Variants in CCDC171 observed in about 807,000 individuals in gnomAD.
CCDC171 encodes coiled-coil domain containing 171, also known as coiled-coil domain-containing protein 171.
In CCDC171, 177 loss-of-function variants were observed where a neutral mutation model predicts 168.2. The ratio of observed to expected loss-of-function variants is 1.05; its 90% confidence interval spans 0.93 to 1.19. The LOEUF (loss-of-function observed/expected upper bound fraction) is 1.19, where lower values mean the gene tolerates loss of function less well. Among genes scored for constraint, CCDC171 ranks in the 50% most tolerant of loss-of-function variants. The pLI, the probability that CCDC171 is intolerant of heterozygous loss-of-function variation, is 0.00. For synonymous variants in CCDC171, 687 were observed against 540.8 expected (o/e 1.27, Z -3.75); for missense variants, 1,991 against 1,539.0 (o/e 1.29, Z -4.91).
At chr9:15,682,756 A>G (rs886483391) in intron 10 of CCDC171, among the ~76,000 whole-genome samples, 6 of 152,014 alleles carry the variant, frequency 3.9e-5, no homozygotes, top group African/African-American at 1.4e-4. Flanking sequence ...TGTTTACATG[A>G]AGATGTGAAC....
chr9:15,699,556 C>G (rs2051515480), intron 11 of CCDC171, among the ~76,000 whole-genome samples: 1 of 152,168 alleles, frequency 6.6e-6, no homozygotes, highest in African/African-American at 2.4e-5. Flanking sequence ...TATCCCTGAG[C>G]TAGACACAAA....
chr9:15,996,879 G>C lies in CCDC171; in HGVS notation n.369-23710G>C, dbSNP rs867288453. Among the ~76,000 whole-genome samples, 9 of 152,064 alleles carry C rather than the reference G, an allele frequency of 5.9e-5. No individual in the cohort carries two copies. The East Asian group carries it at 1.3e-3, about 23-fold the overall frequency. On this transcript the variant is annotated intron_variant and non_coding_transcript_variant, in intron 3 of 9. Coordinates refer to the CCDC171 transcript ENST00000486641. ...AGGCTCAAACCAGCTAATGAATATGGCACATAAGAACAGATACATCATGCA... is the reference window on the plus strand; with the variant it reads ...AGGCTCAAACCAGCTAATGAATATGCCACATAAGAACAGATACATCATGCA...
chr9:15,696,465 G>A lies in CCDC171; in HGVS notation c.1318+1128G>A, dbSNP rs75491559. On this transcript the variant is annotated intron_variant, in intron 11 of 25. Coordinates refer to ENST00000380701, the MANE Select transcript of CCDC171 (RefSeq NM_173550.4). ...ATCATAATCATAATTTGTTATCATG[G>A]ACAAATCAAAAGATATAAAAGTGTC... 5.9e-3 allele frequency among the ~76,000 whole-genome samples: 905 copies of A among 152,222 alleles called. 14 individuals carry two copies. Among genetic ancestry groups the A allele is most frequent in the African/African-American group, 0.02 (828 of 41,514 alleles).
chr9:15,645,095 G>C (rs2221706), intron 7 of CCDC171, among the ~76,000 whole-genome samples: 144,041 of 152,306 alleles, frequency 0.95, 68,168 homozygotes, highest in East Asian at 1. Flanking sequence ...AATATTTGCT[G>C]TTCTGCAGCT....
At chr9:16,016,559 G>A (rs3824502) in intron 3 of CCDC171, among the ~76,000 whole-genome samples, 50,753 of 152,014 alleles carry the variant, frequency 0.33, 10,637 homozygotes, top group East Asian at 0.62. Flanking sequence ...TTTGGTACAC[G>A]GATGAGGTCG....
chr9:15,589,320 C>A (rs2041820723), intron 4 of CCDC171, among the ~76,000 whole-genome samples: 1 of 152,166 alleles, frequency 6.6e-6, no homozygotes, highest in African/African-American at 2.4e-5. Flanking sequence ...GATTGACTCC[C>A]AGTAATTGGT....
the CCDC171 span, among the ~76,000 whole-genome samples, chr9:16,070,641 A>G: frequency 2.0e-5 from 3 of 152,212 alleles, no homozygotes; most frequent in African/African-American, 7.2e-5. Flanking sequence ...CAACTAAGGC[A>G]GGAGCAAGAA....
intron 24 of CCDC171, among the ~76,000 whole-genome samples, chr9:15,899,928 C>T (rs1251205892): frequency 1.3e-5 from 2 of 151,794 alleles, no homozygotes; most frequent in Admixed American, 6.6e-5. Context: ...AACTCTTTAC[C>T]AAGCTCGAGA....
chr9:15,686,093 G>A (rs1680442268), intron 10 of CCDC171, among the ~76,000 whole-genome samples: 1 of 152,094 alleles, frequency 6.6e-6, no homozygotes. Context: ...CTCTATACTT[G>A]AAAGAGAATT....
chr9:16,066,860 A>C, the CCDC171 span, among the ~76,000 whole-genome samples: 1,396 of 149,594 alleles, frequency 9.3e-3, 15 homozygotes, highest in Middle Eastern at 0.031. Context: ...CCAGTCTATC[A>C]TTGTTGGACA....
At chr9:15,860,822 C>T (rs1588891327) in intron 23 of CCDC171, among the ~76,000 whole-genome samples, 1 of 151,752 alleles carries the variant, frequency 6.6e-6, no homozygotes, top group Non-Finnish European at 1.5e-5. Context: ...TGGTTGTTCT[C>T]CCCGTTATTG....
At chr9:15,765,850 T>A (rs2056692015) in intron 18 of CCDC171, among the ~76,000 whole-genome samples, 1 of 152,102 alleles carries the variant, frequency 6.6e-6, no homozygotes, top group African/African-American at 2.4e-5. Context: ...TGGGAGAAAA[T>A]TCTCCATAGG....
At chr9:16,096,889 A>G in the CCDC171 span, among the ~76,000 whole-genome samples, 4 of 152,114 alleles carry the variant, frequency 2.6e-5, no homozygotes, top group African/African-American at 9.7e-5. Context: ...TGAGCATACC[A>G]CCTGTTTCCT....
intron 25 of CCDC171, among the ~76,000 whole-genome samples, chr9:15,939,905 A>C (rs915137294): frequency 3.3e-5 from 5 of 151,898 alleles, no homozygotes; most frequent in African/African-American, 1.2e-4. Context: ...GGCAAAAAAT[A>C]ATGAAAAGGG....
intron 18 of CCDC171, among the ~76,000 whole-genome samples, chr9:15,751,978 C>A (rs1211547532): frequency 1.3e-5 from 2 of 152,116 alleles, no homozygotes; most frequent in Non-Finnish European, 2.9e-5. Context: ...AGGCAACCTA[C>A]CGAATGGGAG....
intron 24 of CCDC171, chr9:15,888,165 T>C (rs1348700978): frequency 6.6e-6 from 1 of 152,186 alleles, no homozygotes; most frequent in Non-Finnish European, 1.5e-5. Context: ...AGTATGGACT[T>C]AAAAAAATAA....
intron 24 of CCDC171, among the ~76,000 whole-genome samples, chr9:15,883,636 A>C (rs1819008277): frequency 6.6e-6 from 1 of 152,180 alleles, no homozygotes. Context: ...ATTTAAGGGC[A>C]AGTAATTGCA....
chr9:15,882,800 C>G (rs1047534983), intron 24 of CCDC171, among the ~76,000 whole-genome samples: 8 of 151,656 alleles, frequency 5.3e-5, no homozygotes, highest in Non-Finnish European at 1.2e-4. Flanking sequence ...TTTCACCATC[C>G]TTTTCTCCCA....
At position 15,756,014 on chromosome 9, in the gene CCDC171, C is replaced by G. The variant is rs184225907; in HGVS notation, c.2671+10383C>G. On this transcript the variant is annotated intron_variant, in intron 18 of 25. Coordinates refer to ENST00000380701, the MANE Select transcript of CCDC171 (RefSeq NM_173550.4). ...AGAGATGTGGCTGCTGAATATATTCCTTTATGTCAGGAAGGCAAAAGCTTT... is the reference window on the plus strand; with the variant it reads ...AGAGATGTGGCTGCTGAATATATTCGTTTATGTCAGGAAGGCAAAAGCTTT... Among the ~76,000 whole-genome samples the G allele has an allele frequency of 1.4e-3, 210 of 152,246 alleles. 1 individual carries two copies. The highest frequency in any genetic ancestry group is 2.5e-3 in the Non-Finnish European group (170 of 68,018).
Sources: allele counts gnomAD v4.1 joint callset (sites outside exome capture counted in the v4.1 genomes callset), GRCh38; gene constraint gnomAD v4.1.1; transcripts MANE v1.5; gene names NCBI Gene and HGNC (gene_info 2026-07-23, HGNC 2026-07-21).